Variants in COPB1 observed in about 807,000 individuals in gnomAD.
COPB1 encodes the protein coatomer subunit beta.
COPB1 carries 21 observed loss-of-function variants against 108.7 expected under a neutral mutation model. That is an observed-to-expected ratio of 0.19 (90% CI 0.14 to 0.28). COPB1 has a LOEUF of 0.28. Ranked by LOEUF, COPB1 falls within the 10% of genes least tolerant of loss-of-function variation. COPB1 has a pLI of 1.00. For synonymous variants in COPB1, 378 were observed against 386.8 expected (o/e 0.98, Z 0.27); for missense variants, 919 against 1,141.3 (o/e 0.81, Z 2.81).
rs1295553488 is a variant in COPB1 at position 14,479,717 on chromosome 11, A to G, written c.1213-3T>C. The G allele has an allele frequency of 3.1e-5, 49 of 1,561,680 alleles. No homozygotes were observed. The highest frequency in any genetic ancestry group is 1.7e-4 in the Middle Eastern group (1 of 5,798). ...TTGTCACTGAGAAATTCCATTAACTAAAAGAAAAAAAAAAAAAAGAAAATG... is the reference window on the plus strand; with the variant it reads ...TTGTCACTGAGAAATTCCATTAACTGAAAGAAAAAAAAAAAAAAGAAAATG... On this transcript the variant is annotated splice_region_variant and splice_polypyrimidine_tract_variant and intron_variant, in intron 10 of 21. Coordinates refer to ENST00000439561, the MANE Select transcript of COPB1 (RefSeq NM_001144061.2).
At chr11:14,480,632 A>G (rs1850640339) in intron 10 of COPB1, 127 bp downstream of exon 10, 1 of 832,000 alleles carries the variant, frequency 1.2e-6, no homozygotes, top group Non-Finnish European at 1.8e-6. Context: ...GTAGATATAA[A>G]GATCACTTCT....
chr11:14,493,891 G>A, intron 3 of COPB1, 80 bp from the exon 4 acceptor site: 5 of 1,215,112 alleles, frequency 4.1e-6, no homozygotes, highest in African/African-American at 1.5e-5. Context: ...CTTTCCAATG[G>A]AAAAAAAATA....
At chr11:14,488,637 C>A in intron 5 of COPB1, 53 bp from the exon 6 acceptor site, 1 of 1,108,504 alleles carries the variant, frequency 9.0e-7, no homozygotes, top group Non-Finnish European at 1.3e-6. Flanking sequence ...AATAGAAGGA[C>A]TTAATGCATC....
chr11:14,480,629 TA>T, intron 10 of COPB1, 129 bp downstream of exon 10: 1 of 817,892 alleles, frequency 1.2e-6, no homozygotes, highest in Non-Finnish European at 1.8e-6. Flanking sequence ...GAGGTAGATA[TA>T]AAGATCACTT....
chr11:14,483,114 T>A lies in COPB1; in HGVS notation c.875A>T (p.Glu292Val). 2 of 1,589,410 alleles carry A rather than the reference T, an allele frequency of 1.3e-6. No individual in the cohort carries two copies. The highest frequency in any genetic ancestry group is 1.7e-6 in the Non-Finnish European group (2 of 1,160,696). The change falls in exon 8 of 22, where the codon GAG becomes GTG. Residue 292 changes from glutamate (E) to valine (V), a missense_variant. By Grantham distance (121) the Glu-to-Val change is moderately radical. Coordinates refer to ENST00000439561, the MANE Select transcript of COPB1 (RefSeq NM_001144061.2). ...TATGAGTTTTACATTGTTGTCGCTC[T>A]CCTTAATAATTAAATCAATGTAACA... ...AQCYIDLIIK[E>V]SDNNVKLIVL...
At chr11:14,470,579 T>C (rs535293424) in intron 14 of COPB1, among the ~76,000 whole-genome samples, 20 of 152,276 alleles carry the variant, frequency 1.3e-4, no homozygotes, top group Admixed American at 3.9e-4. Flanking sequence ...CCTTGCCAAA[T>C]TGCCTTTGGC....
intron 21 of COPB1, 98 bp from the exon 22 acceptor site, chr11:14,457,981 TTA>T: frequency 1.6e-6 from 1 of 635,476 alleles, no homozygotes; most frequent in Middle Eastern, 4.5e-4. Context: ...AATGACACCA[TTA>T]TCAACAATAA....
chr11:14,470,031 A>G (rs900303217), intron 14 of COPB1, among the ~76,000 whole-genome samples: 30 of 152,364 alleles, frequency 2.0e-4, no homozygotes, highest in Middle Eastern at 3.4e-3. Flanking sequence ...ACAGTTTCCT[A>G]CAAACCACAA....
chr11:14,473,740 C>A (rs1311036862), intron 14 of COPB1, among the ~76,000 whole-genome samples: 1 of 150,368 alleles, frequency 6.7e-6, no homozygotes, highest in East Asian at 1.9e-4. Flanking sequence ...TGAGAATTAC[C>A]AAAATGTAAC....
At chr11:14,486,806 A>G (rs1850785447) in intron 6 of COPB1, among the ~76,000 whole-genome samples, 1 of 152,194 alleles carries the variant, frequency 6.6e-6, no homozygotes, top group African/African-American at 2.4e-5. Context: ...ATCCCATCAT[A>G]ATTTATATTT....
intron 10 of COPB1, among the ~76,000 whole-genome samples, chr11:14,480,104 C>T (rs183495006): frequency 1.3e-5 from 2 of 152,260 alleles, no homozygotes; most frequent in East Asian, 1.9e-4. Context: ...ATGCCTGACC[C>T]TTGTAATTCT....
chr11:14,496,433 G>A (rs1851020068), intron 2 of COPB1, among the ~76,000 whole-genome samples: 1 of 151,960 alleles, frequency 6.6e-6, no homozygotes, highest in Non-Finnish European at 1.5e-5. Context: ...AATTGAAGAA[G>A]TAATCTAATC....
At chr11:14,472,189 TG>T (rs1217338208) in intron 14 of COPB1, among the ~76,000 whole-genome samples, 1 of 152,230 alleles carries the variant, frequency 6.6e-6, no homozygotes, top group Non-Finnish European at 1.5e-5. Flanking sequence ...TGAAACTACT[TG>T]ATCAGTGGCA....
At position 14,458,642 on chromosome 11, in the gene COPB1, G is replaced by A. The variant is rs755402317; in HGVS notation, c.2692C>T (p.Arg898Cys). 26 of 1,613,388 alleles carry A rather than the reference G, an allele frequency of 1.6e-5. No individual in the cohort carries two copies. The highest frequency in any genetic ancestry group is 2.1e-5 in the Non-Finnish European group (25 of 1,179,728). Residue 898 changes from arginine to cysteine, a missense_variant, in exon 21 of 22, where the codon CGT (arginine) becomes TGT (cysteine). Around this residue, in one of 5 missense-constraint regions of COPB1, gnomAD observed 705 missense variants for 817.8 expected, o/e 0.86. Coordinates refer to ENST00000439561, the MANE Select transcript of COPB1 (RefSeq NM_001144061.2). ...AGTGCATCTTCACCAAATATGGAACGAGCATAAAGGTTGGCTGCCATAAAG... is the reference window on the plus strand; with the variant it reads ...AGTGCATCTTCACCAAATATGGAACAAGCATAAAGGTTGGCTGCCATAAAG... ...CGFMAANLYA[R>C]SIFGEDALAN...
At chr11:14,471,411 A>G (rs1850399104) in intron 14 of COPB1, among the ~76,000 whole-genome samples, 1 of 152,218 alleles carries the variant, frequency 6.6e-6, no homozygotes, top group Non-Finnish European at 1.5e-5. Flanking sequence ...AGGAGAGGAA[A>G]GCAAATTCAA....
intron 20 of COPB1, among the ~76,000 whole-genome samples, chr11:14,459,289 C>T (rs759867085): frequency 3.9e-5 from 6 of 152,054 alleles, no homozygotes; most frequent in East Asian, 3.8e-4. Context: ...AGACCTTAAG[C>T]GCCATGAAGG....
chr11:14,482,907 G>C lies in COPB1; in HGVS notation c.957+125C>G, dbSNP rs1057001410. On this transcript the variant is annotated intron_variant, in intron 8 of 21. Coordinates refer to ENST00000439561, the MANE Select transcript of COPB1 (RefSeq NM_001144061.2). ...TGATGACTCAATAGTTAACACTTTA[G>C]CTGATCAAAATATAAACTGCTCAGT... 6.3e-6 allele frequency: 5 copies of C among 789,826 alleles called. No individual in the cohort carries two copies. In the African/African-American group the frequency reaches 6.8e-5, roughly 11 times the overall value. The allele number at this position is 789,826 out of a possible 1,614,324, so 48.9% of individuals were successfully genotyped here.
chr11:14,494,147 C>T, intron 3 of COPB1, 63 bp downstream of exon 3: 2 of 1,129,422 alleles, frequency 1.8e-6, no homozygotes, highest in Non-Finnish European at 1.3e-6. Context: ...AAACACAGCC[C>T]ATTCTACCAA....
intron 17 of COPB1, among the ~76,000 whole-genome samples, 200 bp downstream of exon 17, chr11:14,466,082 G>A (rs1850274790): frequency 6.6e-6 from 1 of 152,180 alleles, no homozygotes; most frequent in African/African-American, 2.4e-5. Context: ...AATGTGCCAA[G>A]AGCATAAAAA....
Sources: gnomAD v4.1 joint callset for allele counts (sites outside exome capture counted in the v4.1 genomes callset) on GRCh38, gnomAD v4.1.1 for gene constraint, gnomAD v4.1.1 regional missense constraint, MANE v1.5 for transcripts, NCBI Gene and HGNC (gene_info 2026-07-23, HGNC 2026-07-21) for gene names.